UPK1A: variants seen among roughly 807,000 people sequenced by gnomAD.
The protein encoded by UPK1A is uroplakin 1A, also known as uroplakin-1a.
A neutral mutation model predicts 32.3 loss-of-function variants in UPK1A; 31 were observed. The ratio of observed to expected loss-of-function variants is 0.96; its 90% CI spans 0.72 to 1.30. The LOEUF (loss-of-function observed/expected upper bound fraction) is 1.30, where lower values mean the gene tolerates loss of function less well. Among genes scored for constraint, UPK1A ranks in the 50% most tolerant of loss-of-function variants. The pLI is 0.00. For synonymous variants in UPK1A, 135 were observed against 137.1 expected (o/e 0.98, Z 0.11); for missense variants, 340 against 357.4 (o/e 0.95, Z 0.39).
Position 35,666,804 on chromosome 19 carries a change from C to T in UPK1A, c.-4-5C>T, listed in dbSNP as rs552372624. 6.8e-6 allele frequency: 11 copies of T among 1,613,974 alleles called. No individual in the cohort carries two copies. In the South Asian group the frequency reaches 1.1e-4, roughly 16 times the overall value. ...CCTGGCCTCATCCCTGCTCATGTGT[C>T]CCAGGATGATGGCGTCTGCGGCAGC... On this transcript the variant is annotated splice_polypyrimidine_tract_variant and splice_region_variant and intron_variant, in intron 1 of 7. Coordinates refer to ENST00000617999, the Ensembl canonical transcript of UPK1A.
intron 3 of UPK1A, among the ~76,000 whole-genome samples, chr19:35,671,977 G>A (rs1296753529): frequency 6.6e-6 from 1 of 152,138 alleles, no homozygotes; most frequent in Non-Finnish European, 1.5e-5. Context: ...ATTTCTCTGA[G>A]TGATAAGCAC....
At chr19:35,673,259 A>G in exon 4 of UPK1A, 1 of 1,613,700 alleles carries the variant, frequency 6.2e-7, no homozygotes, top group Non-Finnish European at 8.5e-7. Flanking sequence ...CATCGTCTAC[A>G]TCTTCGAGTG....
chr19:35,674,433 A>G (rs1968152365), intron 5 of UPK1A, among the ~76,000 whole-genome samples: 1 of 151,570 alleles, frequency 6.6e-6, no homozygotes, highest in Non-Finnish European at 1.5e-5. Context: ...TTTTTAGTAG[A>G]GATGGGTGTT....
At chr19:35,676,902 C>CAA (rs76089763) in intron 6 of UPK1A, among the ~76,000 whole-genome samples, 1 of 149,174 alleles carries the variant, frequency 6.7e-6, no homozygotes, top group African/African-American at 2.5e-5. Flanking sequence ...CCATCTCAAA[C>CAA]AAAAAAAAAC....
At chr19:35,675,784 C>T (rs941798983) in intron 5 of UPK1A, 56 bp from the exon 6 acceptor site, 2 of 1,541,916 alleles carry the variant, frequency 1.3e-6, no homozygotes, top group East Asian at 4.6e-5. Context: ...TGACCTCAGG[C>T]AAGCAACTGT....
chr19:35,677,712 C>T (rs1968202222), intron 6 of UPK1A, 100 bp from the exon 7 acceptor site: 5 of 1,423,426 alleles, frequency 3.5e-6, no homozygotes, highest in Non-Finnish European at 3.9e-6. Context: ...AACCAATGCT[C>T]AGGGAAGGTG....
chr19:35,669,730 C>T (rs1057246517), intron 3 of UPK1A, among the ~76,000 whole-genome samples: 1 of 152,054 alleles, frequency 6.6e-6, no homozygotes, highest in African/African-American at 2.4e-5. Flanking sequence ...ACAGCTAGTG[C>T]TTTTCAACCC....
chr19:35,673,975 G>A (rs1198723550), intron 5 of UPK1A, among the ~76,000 whole-genome samples: 2 of 151,286 alleles, frequency 1.3e-5, no homozygotes, highest in Non-Finnish European at 2.9e-5. Context: ...ATAGCTCACT[G>A]CAACCTCCAA....
chr19:35,669,128 T>A (rs376761175), intron 3 of UPK1A, among the ~76,000 whole-genome samples: 1 of 152,136 alleles, frequency 6.6e-6, no homozygotes, highest in South Asian at 2.1e-4. Flanking sequence ...GATTAGTTCA[T>A]TTATTCCTCA....
intron 3 of UPK1A, among the ~76,000 whole-genome samples, chr19:35,670,652 T>C (rs1968079036): frequency 7.1e-6 from 1 of 140,470 alleles, no homozygotes; most frequent in Non-Finnish European, 1.5e-5. Context: ...GATGGAGCCA[T>C]GGACTTCCTT....
At chr19:35,676,055 T>C (rs2146389259) in intron 6 of UPK1A, 36 bp downstream of exon 6, 2 of 1,589,234 alleles carry the variant, frequency 1.3e-6, no homozygotes, top group Non-Finnish European at 1.7e-6. Flanking sequence ...TGTCTATCCA[T>C]CTGTCTGTCT....
At chr19:35,668,848 CT>C (rs147337402) in intron 3 of UPK1A, among the ~76,000 whole-genome samples, 194 bp downstream of exon 3, 279 of 140,570 alleles carry the variant, frequency 2.0e-3, no homozygotes, top group Non-Finnish European at 1.8e-3. Context: ...GGGATTTTTT[CT>C]TTTTTTTTTT....
exon 7 of UPK1A, chr19:35,677,831 G>T (rs764833062): frequency 2.5e-6 from 4 of 1,611,502 alleles, no homozygotes; most frequent in Non-Finnish European, 3.4e-6. Context: ...GAACACATCG[G>T]CCACGCCATC....
Position 35,675,933 on chromosome 19 carries a change from CCACTGTG to C in UPK1A, c.564_570del (p.Leu189ValfsTer51). 6.2e-7 allele frequency: 1 copy of C among 1,614,000 alleles called. No individual in the cohort carries two copies. The highest frequency in any genetic ancestry group is 1.7e-5 in the Admixed American group (1 of 60,010). ...TCCGGAGGTGGTGTTCCCCTGGCCC[CCACTGTG>C]CTGTCGCCGGACGGGAAACTTCATC... On this transcript the variant is annotated frameshift_variant, in exon 6 of 8. Coordinates refer to ENST00000617999, the Ensembl canonical transcript of UPK1A. LOFTEE classifies it high-confidence loss of function.
At chr19:35,673,474 C>G in exon 5 of UPK1A, 2 of 1,613,684 alleles carry the variant, frequency 1.2e-6, no homozygotes, top group Non-Finnish European at 1.7e-6. Context: ...CAAGCAGATG[C>G]TGACCTTCTA....
intron 5 of UPK1A, among the ~76,000 whole-genome samples, chr19:35,675,602 G>A (rs1330681589): frequency 6.6e-6 from 1 of 152,112 alleles, no homozygotes; most frequent in Non-Finnish European, 1.5e-5. Flanking sequence ...AAATAAGTCA[G>A]AGGTGCAGGT....
chr19:35,672,117 A>T (rs564912052), intron 3 of UPK1A, among the ~76,000 whole-genome samples: 1 of 152,302 alleles, frequency 6.6e-6, no homozygotes, highest in South Asian at 2.1e-4. Flanking sequence ...AAGAATTTGC[A>T]TTAAACATCA....
chr19:35,677,198 TAGGCAAGAGACTTAAAAA>T (rs1225828504), intron 6 of UPK1A, among the ~76,000 whole-genome samples: 2 of 149,046 alleles, frequency 1.3e-5, no homozygotes, highest in Admixed American at 6.8e-5. Context: ...CACTCTAGCC[TAGGCAAGAGACTTAAAAA>T]AGGCAAGAGA....
At chr19:35,673,328 G>A (rs1370082718) in intron 4 of UPK1A, 22 bp downstream of exon 4, 2 of 1,613,744 alleles carry the variant, frequency 1.2e-6, no homozygotes. Context: ...GAGGCCTGGG[G>A]AGGGGCCTGA....
Sources: allele counts gnomAD v4.1 joint callset (sites outside exome capture counted in the v4.1 genomes callset), GRCh38; gene constraint gnomAD v4.1.1; transcripts MANE v1.5; gene names NCBI Gene and HGNC (gene_info 2026-07-23, HGNC 2026-07-21).